Variants in MYO5B observed in about 807,000 individuals in gnomAD.
The protein encoded by MYO5B is unconventional myosin-Vb.
MYO5B carries 143 observed loss-of-function variants against 229.3 expected under a neutral mutation model. The observed-to-expected ratio is 0.62, with a 90% CI of 0.54 to 0.72. MYO5B has a LOEUF of 0.72. Among genes scored for constraint, MYO5B ranks in the 30% least tolerant of loss-of-function variants. The pLI is 0.00. For synonymous variants in MYO5B, 918 were observed against 885.2 expected (o/e 1.04, Z -0.66); for missense variants, 2,321 against 2,331.0 (o/e 1.00, Z 0.09).
intron 1 of MYO5B, among the ~76,000 whole-genome samples, chr18:50,147,248 G>C (rs1237059133): frequency 6.6e-6 from 1 of 152,054 alleles, no homozygotes; most frequent in African/African-American, 2.4e-5. Flanking sequence ...AACTACCCAA[G>C]TCAGGATCCT....
chr18:50,181,439 A>G (rs1242872133), intron 1 of MYO5B, among the ~76,000 whole-genome samples: 8 of 152,238 alleles, frequency 5.3e-5, no homozygotes, highest in Non-Finnish European at 5.9e-5. Context: ...AGCAACACAC[A>G]GTCCACAATA....
chr18:50,108,342 C>A (rs773084655), intron 1 of MYO5B, among the ~76,000 whole-genome samples: 43 of 152,228 alleles, frequency 2.8e-4, no homozygotes, highest in Non-Finnish European at 5.1e-4. Context: ...TAGTTTGAGT[C>A]TTCTGCTCTG....
intron 2 of MYO5B, among the ~76,000 whole-genome samples, chr18:50,046,810 A>T (rs1456477168): frequency 6.6e-6 from 1 of 152,212 alleles, no homozygotes; most frequent in Non-Finnish European, 1.5e-5. Context: ...CTAATCTTTG[A>T]CAAACCTGAC....
intron 1 of MYO5B, among the ~76,000 whole-genome samples, chr18:50,142,619 A>T (rs1599052524): frequency 1.3e-5 from 2 of 152,290 alleles, no homozygotes; most frequent in South Asian, 4.1e-4. Flanking sequence ...TGCAGAATTA[A>T]TTGTTTCAGT....
At chr18:49,912,240 G>C in intron 17 of MYO5B, 67 bp from the exon 18 acceptor site, 3 of 1,181,572 alleles carry the variant, frequency 2.5e-6, no homozygotes, top group Non-Finnish European at 3.8e-6. Flanking sequence ...AGCCAGGCGT[G>C]ACCTCAGACA....
rs749202777 is a variant in MYO5B at position 49,902,871 on chromosome 18, A to ATC, written c.2572-39_2572-38insGA. 11 of 1,594,868 alleles carry ATC rather than the reference A, an allele frequency of 6.9e-6. No homozygotes were observed. The East Asian group carries it at 2.2e-4, about 32-fold the overall frequency. On this transcript the variant is annotated intron_variant, in intron 20 of 39. Transcript: ENST00000285039. ...AAGGATACACATCTTGTGGGTTTGC[A>ATC]CTGCAGGACAGGAGTGAAGGAAGCA...
At chr18:50,087,572 C>CAAAA (rs3075643) in intron 1 of MYO5B, among the ~76,000 whole-genome samples, 2 of 85,646 alleles carry the variant, frequency 2.3e-5, no homozygotes, top group African/African-American at 7.7e-5. Flanking sequence ...GACTCCATCT[C>CAAAA]AAAAAAAAAA....
chr18:49,957,142 CAAAAAAAA>C (rs71169467), intron 12 of MYO5B, among the ~76,000 whole-genome samples: 2 of 58,736 alleles, frequency 3.4e-5, no homozygotes, highest in Non-Finnish European at 5.7e-5. Context: ...AATAAAGTAG[CAAAAAAAA>C]AAAAAAAAAA....
intron 39 of MYO5B, among the ~76,000 whole-genome samples, chr18:49,828,507 TTAATCATGGA>T (rs1251351232): frequency 5.3e-5 from 8 of 152,184 alleles, no homozygotes; most frequent in Non-Finnish European, 1.2e-4. Flanking sequence ...TACCCCATTT[TTAATCATGGA>T]TAGAACCAGA....
At position 49,825,988 on chromosome 18, in the gene MYO5B, C is replaced by T. The variant is rs1170053293; in HGVS notation, c.*483G>A. Reference sequence around the variant, plus strand: ...TTCTTAAAACATCTCACCACAAACTCAACCACACCTATGGTTTGCAAACTT... The same window carrying T: ...TTCTTAAAACATCTCACCACAAACTTAACCACACCTATGGTTTGCAAACTT... On this transcript the variant is annotated 3_prime_UTR_variant, in exon 40 of 40. Coordinates refer to ENST00000285039, the MANE Select transcript of MYO5B (RefSeq NM_001080467.3). 1.2e-5 allele frequency: 2 copies of T among 169,102 alleles called. No homozygotes were observed. Among genetic ancestry groups the T allele is most frequent in the Admixed American group, 1.1e-4 (2 of 17,960 alleles). 10.5% of individuals were successfully genotyped at this position (169,102 alleles called of 1,614,324 possible).
intron 1 of MYO5B, among the ~76,000 whole-genome samples, chr18:50,076,382 C>T (rs923959798): frequency 6.6e-6 from 1 of 152,168 alleles, no homozygotes; most frequent in African/African-American, 2.4e-5. Context: ...CCACCAAAGA[C>T]ACATGACTTG....
intron 3 of MYO5B, among the ~76,000 whole-genome samples, chr18:50,038,291 T>C (rs766316487): frequency 6.6e-6 from 1 of 152,166 alleles, no homozygotes; most frequent in Non-Finnish European, 1.5e-5. Context: ...ACTGCTAAGA[T>C]GGGAAGTCTC....
intron 1 of MYO5B, among the ~76,000 whole-genome samples, chr18:50,067,568 G>C (rs972923867): frequency 1.3e-5 from 2 of 152,178 alleles, no homozygotes; most frequent in Non-Finnish European, 2.9e-5. Flanking sequence ...GCAGACCCCT[G>C]ATGAATAGAT....
At chr18:49,859,824 C>T (rs1236684820) in intron 29 of MYO5B, among the ~76,000 whole-genome samples, 1 of 152,212 alleles carries the variant, frequency 6.6e-6, no homozygotes, top group East Asian at 1.9e-4. Flanking sequence ...CAGAAGCTAG[C>T]TCTTCCCGCC....
intron 10 of MYO5B, among the ~76,000 whole-genome samples, chr18:49,963,402 TAATTA>T (rs1257257524): frequency 5.5e-5 from 8 of 144,528 alleles, no homozygotes; most frequent in African/African-American, 2.1e-4. Flanking sequence ...TTATTTAATT[TAATTA>T]ATTAATTAAT....
chr18:49,935,166 T>C (rs2025235583), intron 16 of MYO5B, among the ~76,000 whole-genome samples: 1 of 152,124 alleles, frequency 6.6e-6, no homozygotes, highest in Non-Finnish European at 1.5e-5. Context: ...GCATGGAGAC[T>C]TCATGGGACT....
At chr18:50,014,818 T>C (rs1421965172) in intron 4 of MYO5B, among the ~76,000 whole-genome samples, 1 of 152,220 alleles carries the variant, frequency 6.6e-6, no homozygotes, top group Non-Finnish European at 1.5e-5. Flanking sequence ...GGCAATTTTT[T>C]ACCGCACAGC....
At chr18:49,997,345 G>C (rs1381015937) in intron 5 of MYO5B, among the ~76,000 whole-genome samples, 1 of 135,634 alleles carries the variant, frequency 7.4e-6, no homozygotes, top group East Asian at 2.1e-4. Flanking sequence ...ATTTTTGCTA[G>C]CTTCACTCTA....
intron 1 of MYO5B, among the ~76,000 whole-genome samples, chr18:50,177,559 G>C (rs953385050): frequency 2.6e-5 from 4 of 152,220 alleles, no homozygotes; most frequent in Non-Finnish European, 5.9e-5. Flanking sequence ...TGTAAGTCCT[G>C]CTCTCCTTAA....
Sources: allele counts gnomAD v4.1 joint callset (sites outside exome capture counted in the v4.1 genomes callset), GRCh38; gene constraint gnomAD v4.1.1; transcripts MANE v1.5; gene names NCBI Gene and HGNC (gene_info 2026-07-23, HGNC 2026-07-21).